Variants in ADAM32 observed in about 807,000 individuals in gnomAD.
The protein encoded by ADAM32 is disintegrin and metalloproteinase domain-containing protein 32.
A neutral mutation model predicts 114.9 loss-of-function variants in ADAM32; 89 were observed. The observed-to-expected ratio is 0.77, with a 90% confidence interval of 0.65 to 0.92. The LOEUF (loss-of-function observed/expected upper bound fraction) is 0.92, where lower values mean the gene tolerates loss of function less well. ADAM32 is among the 40% of genes least tolerant of loss of function. ADAM32 has a pLI of 0.00. For missense variants in ADAM32, 870 were observed against 932.8 expected (o/e 0.93, Z 0.88); for synonymous variants, 285 against 307.5 (o/e 0.93, Z 0.77).
At chr8:39,128,923 G>A (rs1225674482) in intron 2 of ADAM32, among the ~76,000 whole-genome samples, 1 of 152,106 alleles carries the variant, frequency 6.6e-6, no homozygotes. Flanking sequence ...TTAATGCACA[G>A]GAGGACCTTC....
At position 39,210,518 on chromosome 8, in the gene ADAM32, A is replaced by T. The variant is rs182740457; in HGVS notation, c.1053-626A>T. The stretch of plus-strand genomic sequence containing the variant: ...GCTCTTACTCTGCCTCCTCTTCCAC[A>T]TCTGATATCTTAAATCGTCACTTTC... On this transcript the variant is annotated intron_variant, in intron 11 of 24. Coordinates refer to ENST00000379907, the MANE Select transcript of ADAM32 (RefSeq NM_145004.7). Among the ~76,000 whole-genome samples, 191 of 152,250 alleles carry T rather than the reference A, an allele frequency of 1.3e-3. 2 individuals are homozygous for T. Among genetic ancestry groups the T allele is most frequent in the Non-Finnish European group, 3.1e-4 (21 of 68,026 alleles).
At chr8:39,226,435 C>G (rs1359231013) in intron 14 of ADAM32, among the ~76,000 whole-genome samples, 3 of 151,950 alleles carry the variant, frequency 2.0e-5, no homozygotes, top group Non-Finnish European at 4.4e-5. Flanking sequence ...TTATACCAAG[C>G]TCAAAATTCT....
chr8:39,140,585 G>A (rs535418925), intron 3 of ADAM32, among the ~76,000 whole-genome samples: 9 of 152,272 alleles, frequency 5.9e-5, no homozygotes, highest in African/African-American at 1.9e-4. Flanking sequence ...TCGCATCGAT[G>A]TTCATCAGGG....
chr8:39,276,296 T>TG (rs1813066347), intron 22 of ADAM32: 1 of 144,556 alleles, frequency 6.9e-6, no homozygotes, highest in Non-Finnish European at 1.5e-5. Context: ...AAGAATTTGT[T>TG]GAAAAAAAAA....
intron 9 of ADAM32, chr8:39,169,271 T>TCC (rs924578445): frequency 6.6e-6 from 1 of 152,248 alleles, no homozygotes; most frequent in African/African-American, 2.4e-5. Context: ...TCAGACTGTG[T>TCC]AAGTTCAGAT....
In ADAM32 at chr8:39,144,850, G is replaced by T. The variant is rs74843490; in HGVS notation, c.201-2280G>T. The stretch of plus-strand genomic sequence containing the variant: ...ACAATGAATAAAAGGCATCCTAATG[G>T]GAAAGAGAAATGTTAAATTGTTCCT... On this transcript the variant is annotated intron_variant, in intron 3 of 24. Transcript: ENST00000379907. Among the ~76,000 whole-genome samples, 1,373 of 152,230 alleles carry T rather than the reference G, an allele frequency of 9.0e-3. 27 individuals carry two copies. The highest frequency in any genetic ancestry group is 0.032 in the African/African-American group (1,311 of 41,534).
rs796979626 is a variant in ADAM32 at position 39,281,204 on chromosome 8, ATAAG to A, written c.2318+33_2318+36del. ...GCAGGATAGAAAGTGTTACTTATAA[ATAAG>A]TATGTTGAAAATTCAGAATGAAAAA... On this transcript the variant is annotated intron_variant, in intron 23 of 24. Coordinates refer to ENST00000379907, the MANE Select transcript of ADAM32 (RefSeq NM_145004.7). 1.1e-5 allele frequency: 14 copies of A among 1,279,956 alleles called. 1 individual carries two copies. In the African/African-American group the frequency reaches 1.2e-4, roughly 11 times the overall value. The allele number at this position is 1,279,956 out of a possible 1,614,324, so 79.3% of individuals were successfully genotyped here. A position where few individuals can be genotyped will look rare whatever the true frequency, so the allele number is the denominator to read the frequency against.
chr8:39,108,839 T>C (rs1322430080), intron 1 of ADAM32, among the ~76,000 whole-genome samples: 3 of 152,216 alleles, frequency 2.0e-5, no homozygotes, highest in Non-Finnish European at 4.4e-5. Flanking sequence ...GTTCTCTTCC[T>C]GGCTTGTAAA....
At chr8:39,223,316 A>G (rs1475406693) in intron 14 of ADAM32, 78 bp downstream of exon 14, 1 of 948,528 alleles carries the variant, frequency 1.1e-6, no homozygotes, top group Admixed American at 4.0e-5. Flanking sequence ...ATATTTTCAT[A>G]TATATAAAAT....
At chr8:39,235,733 A>G (rs1344978787) in intron 16 of ADAM32, among the ~76,000 whole-genome samples, 3 of 152,200 alleles carry the variant, frequency 2.0e-5, no homozygotes, top group East Asian at 1.9e-4. Context: ...TGGGGAATCT[A>G]TCTCAATTTC....
At chr8:39,235,087 C>A (rs1222899117) in intron 16 of ADAM32, among the ~76,000 whole-genome samples, 1 of 151,822 alleles carries the variant, frequency 6.6e-6, no homozygotes, top group Admixed American at 6.6e-5. Context: ...GCTCTCCCTG[C>A]CCAGGATCTG....
In ADAM32 at chr8:39,155,948, C is replaced by T. The variant is rs191876890; in HGVS notation, c.525+4400C>T. On this transcript the variant is annotated intron_variant, in intron 6 of 24. Coordinates refer to ENST00000379907, the MANE Select transcript of ADAM32 (RefSeq NM_145004.7). Reference sequence around the variant, plus strand: ...AACTTAGCCTCTATAGTATACAAAACGCTGCTGCTATACAGCTTTGTCTTC... The same window carrying T: ...AACTTAGCCTCTATAGTATACAAAATGCTGCTGCTATACAGCTTTGTCTTC... Among the ~76,000 whole-genome samples the T allele has an allele frequency of 2.4e-3, 361 of 152,076 alleles. 2 individuals are homozygous for T. Among genetic ancestry groups the T allele is most frequent in the Admixed American group, 4.5e-3 (68 of 15,272 alleles).
intron 10 of ADAM32, among the ~76,000 whole-genome samples, chr8:39,181,317 C>CT (rs1312450374): frequency 6.6e-6 from 1 of 152,122 alleles, no homozygotes; most frequent in African/African-American, 2.4e-5. Flanking sequence ...CCAGACGTGC[C>CT]GTCTTAAGAA....
intron 11 of ADAM32, among the ~76,000 whole-genome samples, chr8:39,209,501 G>A (rs1300462178): frequency 6.6e-6 from 1 of 152,096 alleles, no homozygotes; most frequent in Non-Finnish European, 1.5e-5. Flanking sequence ...TATACTTGAT[G>A]GGATCATATT....
rs141609367 is a variant in ADAM32, at chr8:39,277,043, C to T, written c.2279+1177C>T. ...CAACAAAAACAGAAACACAAAGGTA[C>T]ATAGACAAATCTATATATATATGTG... is the stretch of plus-strand genomic sequence containing the variant. On this transcript the variant is annotated intron_variant, in intron 22 of 24. Coordinates refer to ENST00000379907, the MANE Select transcript of ADAM32 (RefSeq NM_145004.7). Among the ~76,000 whole-genome samples, 54 of 136,740 alleles carry T rather than the reference C, an allele frequency of 3.9e-4. No homozygotes were observed. In the East Asian group the frequency reaches 0.011, roughly 27 times the overall value. The allele number at this position is 136,740 out of a possible 152,430, so 89.7% of individuals were successfully genotyped here.
intron 2 of ADAM32, among the ~76,000 whole-genome samples, chr8:39,127,925 T>G (rs1016795424): frequency 1.3e-5 from 2 of 152,184 alleles, no homozygotes; most frequent in Admixed American, 1.3e-4. Flanking sequence ...CTGCTTTGAT[T>G]TGATTATTTT....
intron 11 of ADAM32, among the ~76,000 whole-genome samples, chr8:39,193,499 T>C (rs1806740326): frequency 6.6e-6 from 1 of 152,228 alleles, no homozygotes; most frequent in Admixed American, 6.5e-5. Context: ...TCTGTTTCTG[T>C]CATTTCAGCC....
At chr8:39,120,986 C>G (rs1424788085) in intron 2 of ADAM32, among the ~76,000 whole-genome samples, 21 of 151,992 alleles carry the variant, frequency 1.4e-4, no homozygotes, top group Non-Finnish European at 7.4e-5. Flanking sequence ...TTTGTCATCA[C>G]TGCTTATAGA....
At chr8:39,145,024 A>C (rs1803414436) in intron 3 of ADAM32, among the ~76,000 whole-genome samples, 1 of 152,138 alleles carries the variant, frequency 6.6e-6, no homozygotes, top group Non-Finnish European at 1.5e-5. Flanking sequence ...TACATTAATA[A>C]GAAATTTTCC....
Sources: gnomAD v4.1 joint callset for allele counts (sites outside exome capture counted in the v4.1 genomes callset) on GRCh38, gnomAD v4.1.1 for gene constraint, MANE v1.5 for transcripts, NCBI Gene and HGNC (gene_info 2026-07-23, HGNC 2026-07-21) for gene names.